Variants in SAMSN1 observed in about 807,000 individuals in gnomAD.
The protein encoded by SAMSN1 is SAM domain-containing protein SAMSN-1.
Under a neutral mutation model 42.0 loss-of-function variants are expected in SAMSN1, and 31 were observed. The observed-to-expected ratio is 0.74, with a 90% CI of 0.55 to 1.00. SAMSN1 has a LOEUF of 1.00. SAMSN1 is among the 50% of genes least tolerant of loss of function. The probability of loss-of-function intolerance (pLI) is 0.00; values close to 1 mark genes in which losing one functional copy is unlikely to be tolerated. For missense variants in SAMSN1, 464 were observed against 439.4 expected (o/e 1.06, Z -0.50); for synonymous variants, 178 against 151.9 (o/e 1.17, Z -1.26).
chr21:14,640,119 A>G (rs1344415069), intron 2 of SAMSN1, among the ~76,000 whole-genome samples: 1 of 152,154 alleles, frequency 6.6e-6, no homozygotes, highest in Non-Finnish European at 1.5e-5. Flanking sequence ...CATCTATGGA[A>G]CTCCCACTAT....
intron 2 of SAMSN1, among the ~76,000 whole-genome samples, chr21:14,618,450 C>G (rs779796801): frequency 1.3e-5 from 2 of 152,122 alleles, no homozygotes; most frequent in Non-Finnish European, 2.9e-5. Context: ...TTGTAGATTA[C>G]TACTGAACTG....
intron 2 of SAMSN1, among the ~76,000 whole-genome samples, chr21:14,573,477 C>T (rs1307613687): frequency 6.6e-6 from 1 of 151,818 alleles, no homozygotes; most frequent in Non-Finnish European, 1.5e-5. Flanking sequence ...CATCCAGAGA[C>T]CATGAGGGAG....
chr21:14,594,193 T>G, intron 6 of SAMSN1: 1 of 592,028 alleles, frequency 1.7e-6, no homozygotes, highest in Non-Finnish European at 3.0e-6. Context: ...CTGTCTTAAT[T>G]AGAAATAATT....
At chr21:14,544,716 T>C (rs1431838793) in intron 1 of SAMSN1, among the ~76,000 whole-genome samples, 1 of 152,198 alleles carries the variant, frequency 6.6e-6, no homozygotes, top group Admixed American at 6.5e-5. Flanking sequence ...AAGTGTATTA[T>C]AATAGTTACT....
intron 2 of SAMSN1, among the ~76,000 whole-genome samples, chr21:14,625,029 C>G (rs1434286522): frequency 1.3e-5 from 2 of 152,144 alleles, no homozygotes; most frequent in Non-Finnish European, 2.9e-5. Flanking sequence ...ACAAAAACCA[C>G]ATGATTACCT....
At chr21:14,609,308 A>G (rs1036122791) in intron 5 of SAMSN1, among the ~76,000 whole-genome samples, 5 of 152,052 alleles carry the variant, frequency 3.3e-5, no homozygotes, top group Non-Finnish European at 1.5e-5. Flanking sequence ...GTATACATGT[A>G]TATATTAATA....
chr21:14,642,863 A>C, intron 2 of SAMSN1: 1 of 569,800 alleles, frequency 1.8e-6, no homozygotes, highest in Non-Finnish European at 3.2e-6. Flanking sequence ...AACAAGAAAG[A>C]GAAAAGCAGA....
intron 2 of SAMSN1, among the ~76,000 whole-genome samples, chr21:14,571,242 A>G (rs1375719366): frequency 6.6e-6 from 1 of 152,202 alleles, no homozygotes; most frequent in East Asian, 1.9e-4. Flanking sequence ...TATCCTCCTT[A>G]ACTGGCATGA....
chr21:14,616,768 A>C (rs74466723), intron 2 of SAMSN1, among the ~76,000 whole-genome samples: 2 of 152,274 alleles, frequency 1.3e-5, no homozygotes, highest in Non-Finnish European at 2.9e-5. Context: ...AGGAATTTAC[A>C]TACTAAAGAA....
At chr21:14,561,862 A>C (rs544456295) in intron 2 of SAMSN1, among the ~76,000 whole-genome samples, 1 of 152,284 alleles carries the variant, frequency 6.6e-6, no homozygotes, top group Non-Finnish European at 1.5e-5. Flanking sequence ...CAGGAAGTGG[A>C]ATTATGCCAC....
intron 6 of SAMSN1, among the ~76,000 whole-genome samples, chr21:14,499,489 A>G (rs1461128334): frequency 2.9e-5 from 1 of 33,910 alleles, no homozygotes; most frequent in African/African-American, 1.5e-4. Flanking sequence ...ACCCCTTTTT[A>G]ACAAAAAAAA....
At chr21:14,651,717 A>G (rs555931522) in intron 1 of SAMSN1, among the ~76,000 whole-genome samples, 65 of 152,164 alleles carry the variant, frequency 4.3e-4, no homozygotes, top group African/African-American at 1.4e-3. Flanking sequence ...CATCCAAATT[A>G]GAAATGAAGA....
rs752065782 is a variant in SAMSN1 at position 14,500,718 on chromosome 21, G to A, written c.579C>T (p.Asp193=). 3 of 1,613,240 alleles carry A rather than the reference G, an allele frequency of 1.9e-6. No individual in the cohort carries two copies. Among genetic ancestry groups the A allele is most frequent in the South Asian group, 2.2e-5 (2 of 91,058 alleles). ...SLKIKKGDII[D]IICKTPMGMW... The stretch of plus-strand genomic sequence containing the variant: ...TCCCCATTGGTGTTTTGCAAATAAT[G>A]TCTATGATGTCTCCTTTCTAAGGGC... The change falls in exon 6 of 8, where the codon GAC becomes GAT. Residue 193 remains aspartate, a synonymous_variant. Transcript: ENST00000400566.
chr21:14,577,256 A>C (rs1472640995), intron 2 of SAMSN1, among the ~76,000 whole-genome samples: 1 of 39,564 alleles, frequency 2.5e-5, no homozygotes, highest in Non-Finnish European at 4.5e-5. Context: ...ATATATATAT[A>C]TATATATATA....
At chr21:14,621,707 A>G (rs1183376268) in intron 2 of SAMSN1, among the ~76,000 whole-genome samples, 1 of 152,242 alleles carries the variant, frequency 6.6e-6, no homozygotes, top group Non-Finnish European at 1.5e-5. Context: ...AGCAGGGCAT[A>G]GCCAAACAAA....
chr21:14,602,201 C>T (rs747485908), intron 5 of SAMSN1: 1 of 380,726 alleles, frequency 2.6e-6, no homozygotes. Context: ...GTCTGTAAGA[C>T]ATTACATTGG....
At chr21:14,604,259 A>C (rs1476106628) in intron 5 of SAMSN1, among the ~76,000 whole-genome samples, 1 of 152,204 alleles carries the variant, frequency 6.6e-6, no homozygotes, top group Non-Finnish European at 1.5e-5. Context: ...GGCCACAACC[A>C]TGCCTCCCAT....
rs145076418 is a variant in SAMSN1, at chr21:14,528,854, G to A, written c.58-7633C>T. Among the ~76,000 whole-genome samples, 58 of 151,878 alleles carry A rather than the reference G, an allele frequency of 3.8e-4. 3 individuals carry two copies. The highest frequency in any genetic ancestry group is 1.3e-3 in the Admixed American group (20 of 15,266). On this transcript the variant is annotated intron_variant, in intron 1 of 7. Transcript: ENST00000400566. ...GCTCCACATTGCCATGACCGTTACC[G>A]AGAGCTTTCCATCTGCCAAACTCCA... is the stretch of plus-strand genomic sequence containing the variant.
intron 1 of SAMSN1, among the ~76,000 whole-genome samples, chr21:14,541,881 G>A (rs558416484): frequency 2.7e-4 from 41 of 151,836 alleles, no homozygotes; most frequent in Admixed American, 4.6e-4. Context: ...TGATTCCAGC[G>A]ACTCGGGAGG....
Sources: gnomAD v4.1 joint callset for allele counts (sites outside exome capture counted in the v4.1 genomes callset) on GRCh38, gnomAD v4.1.1 for gene constraint, MANE v1.5 for transcripts, NCBI Gene and HGNC (gene_info 2026-07-23, HGNC 2026-07-21) for gene names.